The following CALN1 variants were observed in gnomAD, a reference collection of about 807,000 sequenced individuals.
CALN1 encodes the protein calneuron 1.
In CALN1, 17 loss-of-function variants were observed where a neutral mutation model predicts 30.6. The ratio of observed to expected loss-of-function variants is 0.56; its 90% CI spans 0.38 to 0.83. CALN1 has a LOEUF of 0.83. CALN1 is among the 40% of genes least tolerant of loss of function. CALN1 has a pLI of 0.00. For missense variants in CALN1, 291 were observed against 354.9 expected, an observed-to-expected ratio of 0.82 and a Z score of 1.45; for synonymous variants, 156 against 131.4, an observed-to-expected ratio of 1.19 and a Z score of -1.28.
intron 2 of CALN1, among the ~76,000 whole-genome samples, chr7:72,324,983 G>T (rs894346068): frequency 8.5e-5 from 13 of 152,234 alleles, no homozygotes; most frequent in Non-Finnish European, 1.8e-4. Context: ...TTTGGGTGTC[G>T]AGAATTAGAG....
the CALN1 span, among the ~76,000 whole-genome samples, chr7:72,486,792 T>TCTTC: frequency 6.6e-6 from 1 of 152,258 alleles, no homozygotes; most frequent in African/African-American, 2.4e-5. Flanking sequence ...TTCTCCAATT[T>TCTTC]CTTCCTTCAT....
At chr7:71,885,801 G>C (rs1792868575) in intron 5 of CALN1, among the ~76,000 whole-genome samples, 1 of 152,198 alleles carries the variant, frequency 6.6e-6, no homozygotes. Flanking sequence ...TACATCCCCA[G>C]CTCTCTCTTC....
rs147386887 is a variant in CALN1, at chr7:72,231,018, A to T, written c.244+47668T>A. Among the ~76,000 whole-genome samples, 53 of 152,312 alleles carry T rather than the reference A, an allele frequency of 3.5e-4. 2 individuals are homozygous for T. In the East Asian group the frequency reaches 9.8e-3, roughly 28 times the overall value. Reference sequence around the variant, plus strand: ...CCAAACTGCCCCACCTGGGGGCATGAATCGTGCCTTTGTGTAGCCTAGCCA... The same window carrying T: ...CCAAACTGCCCCACCTGGGGGCATGTATCGTGCCTTTGTGTAGCCTAGCCA... On this transcript the variant is annotated intron_variant, in intron 3 of 6. Transcript: ENST00000395275.
the CALN1 span, among the ~76,000 whole-genome samples, chr7:72,484,450 T>A: frequency 1.3e-5 from 2 of 152,338 alleles, no homozygotes; most frequent in East Asian, 3.9e-4. Flanking sequence ...TTCTGGCTGG[T>A]GGGAACAGGC....
intron 5 of CALN1, among the ~76,000 whole-genome samples, chr7:71,957,977 A>C (rs1797044726): frequency 6.6e-6 from 1 of 150,606 alleles, no homozygotes; most frequent in African/African-American, 2.4e-5. Flanking sequence ...AGGCAGGAGA[A>C]TCTCTTGAAC....
At chr7:71,993,116 G>A (rs1799044913) in intron 5 of CALN1, among the ~76,000 whole-genome samples, 2 of 151,744 alleles carry the variant, frequency 1.3e-5, no homozygotes, top group South Asian at 4.2e-4. Context: ...CAGCCCTTTT[G>A]TAGCCAGAAG....
intron 3 of CALN1, among the ~76,000 whole-genome samples, chr7:72,243,462 A>G (rs1168358082): frequency 2.6e-5 from 4 of 152,172 alleles, no homozygotes; most frequent in Non-Finnish European, 5.9e-5. Context: ...TGTTTTTTAA[A>G]TCAGTGAGCT....
In CALN1 at chr7:72,218,174, C is replaced by T. The variant is rs145051133; in HGVS notation, c.244+60512G>A. Among the ~76,000 whole-genome samples the T allele has an allele frequency of 5.3e-5, 8 of 151,660 alleles. No homozygotes were observed. The South Asian group carries it at 6.3e-4, about 12-fold the overall frequency. ...TTTTTAAATAACTGTGCAGGCCAGG[C>T]GCAGTGGCTCATGCTTGCAATGCCA... On this transcript the variant is annotated intron_variant, in intron 3 of 6. Coordinates refer to ENST00000395275, the MANE Select transcript of CALN1 (RefSeq NM_031468.4).
At chr7:71,831,084 A>C (rs903215866) in intron 5 of CALN1, among the ~76,000 whole-genome samples, 3 of 152,298 alleles carry the variant, frequency 2.0e-5, no homozygotes, top group Non-Finnish European at 4.4e-5. Flanking sequence ...ATGGACTCAT[A>C]ATCTAGGATG....
chr7:72,390,960 G>T (rs1050921911), intron 2 of CALN1, among the ~76,000 whole-genome samples: 4 of 152,130 alleles, frequency 2.6e-5, no homozygotes, highest in Non-Finnish European at 5.9e-5. Flanking sequence ...TGCACCAAAA[G>T]TACCCTTAAA....
chr7:71,792,145 T>C (rs528400484), intron 6 of CALN1, among the ~76,000 whole-genome samples: 150 of 152,344 alleles, frequency 9.8e-4, no homozygotes, highest in Non-Finnish European at 1.7e-3. Flanking sequence ...CTGATAATTA[T>C]TGAAGATTAT....
intron 4 of CALN1, among the ~76,000 whole-genome samples, chr7:72,073,074 G>A (rs1804509010): frequency 6.6e-6 from 1 of 152,164 alleles, no homozygotes; most frequent in Admixed American, 6.5e-5. Flanking sequence ...TCTAAAAAAG[G>A]AAGGAAATTC....
chr7:72,020,517 A>G (rs1366025601), intron 5 of CALN1, among the ~76,000 whole-genome samples: 1 of 152,148 alleles, frequency 6.6e-6, no homozygotes, highest in Non-Finnish European at 1.5e-5. Context: ...GGGGAGGCTG[A>G]TTACTGAGAA....
chr7:72,394,745 T>C (rs569471876), intron 2 of CALN1, among the ~76,000 whole-genome samples: 1 of 151,770 alleles, frequency 6.6e-6, no homozygotes, highest in East Asian at 1.9e-4. Context: ...CACTGCAGCC[T>C]TAAATTCCTG....
intron 3 of CALN1, among the ~76,000 whole-genome samples, chr7:72,115,550 G>A (rs571408587): frequency 1.5e-5 from 2 of 134,946 alleles, no homozygotes; most frequent in Non-Finnish European, 3.0e-5. Flanking sequence ...GCACAGTGGT[G>A]CGATCTCGAC....
chr7:72,226,515 A>AC (rs1402935470), intron 3 of CALN1, among the ~76,000 whole-genome samples: 2 of 152,158 alleles, frequency 1.3e-5, no homozygotes, highest in African/African-American at 4.8e-5. Flanking sequence ...TCAACACCCC[A>AC]CATTGTTAGG....
rs114115306 is a variant in CALN1, at chr7:71,985,355, C to T, written c.501+38302G>A. 2.7e-3 allele frequency among the ~76,000 whole-genome samples: 411 copies of T among 152,162 alleles called. 1 individual carries two copies. The highest frequency in any genetic ancestry group is 9.6e-3 in the African/African-American group (397 of 41,532). ...TGAAACAAAGCTCTTTAGAAAGCAA[C>T]GCAGCAGGCTGGGTGCAGTAGTTCA... On this transcript the variant is annotated intron_variant, in intron 5 of 6. Transcript: ENST00000395275.
At chr7:72,237,291 ATTC>A (rs1278162721) in intron 3 of CALN1, among the ~76,000 whole-genome samples, 2 of 152,076 alleles carry the variant, frequency 1.3e-5, no homozygotes, top group African/African-American at 4.8e-5. Context: ...GCCCTGGGGA[ATTC>A]TTATTATACC....
intron 5 of CALN1, among the ~76,000 whole-genome samples, chr7:72,015,106 C>T (rs1800302743): frequency 6.6e-6 from 1 of 152,170 alleles, no homozygotes; most frequent in Non-Finnish European, 1.5e-5. Context: ...CTTTTCAAAA[C>T]AGTTTAAAAT....
Sources: gnomAD v4.1 joint callset for allele counts (sites outside exome capture counted in the v4.1 genomes callset) on GRCh38, gnomAD v4.1.1 for gene constraint, MANE v1.5 for transcripts, NCBI Gene and HGNC (gene_info 2026-07-23, HGNC 2026-07-21) for gene names.